Variants in PDGFRL observed in about 807,000 individuals in gnomAD.
PDGFRL encodes the protein platelet derived growth factor receptor like.
In PDGFRL, 46 loss-of-function variants were observed where a neutral mutation model predicts 37.2. That is an observed-to-expected ratio of 1.24 (90% CI 0.98 to 1.58). PDGFRL has a LOEUF of 1.58. Among genes scored for constraint, PDGFRL ranks in the 40% most tolerant of loss-of-function variants. The pLI is 0.00. For missense variants in PDGFRL, 692 were observed against 467.6 expected (o/e 1.48, Z -4.43); for synonymous variants, 251 against 184.3 (o/e 1.36, Z -2.93).
intron 2 of PDGFRL, among the ~76,000 whole-genome samples, chr8:17,613,568 G>A (rs1804465650): frequency 6.6e-6 from 1 of 152,126 alleles, no homozygotes; most frequent in African/African-American, 2.4e-5. Context: ...AGTGCTTAGG[G>A]TGACTTCTTT....
intron 4 of PDGFRL, among the ~76,000 whole-genome samples, chr8:17,629,022 A>G (rs1289874001): frequency 6.7e-6 from 1 of 148,742 alleles, no homozygotes; most frequent in Non-Finnish European, 1.5e-5. Context: ...GGCTCAAGCA[A>G]CCCTCCCTCC....
intron 1 of PDGFRL, among the ~76,000 whole-genome samples, chr8:17,584,151 TG>T (rs1213444689): frequency 3.3e-5 from 5 of 152,138 alleles, no homozygotes; most frequent in Non-Finnish European, 7.3e-5. Context: ...AATTTGTTGC[TG>T]GATTGGATGT....
intron 5 of PDGFRL, 112 bp downstream of exon 5, chr8:17,634,325 G>C: frequency 2.5e-6 from 2 of 809,590 alleles, no homozygotes; most frequent in Non-Finnish European, 2.0e-6. Context: ...AACTTCAGAA[G>C]TGCAAGAAAC....
chr8:17,632,901 A>T, intron 4 of PDGFRL, among the ~76,000 whole-genome samples: 1 of 152,108 alleles, frequency 6.6e-6, no homozygotes, highest in East Asian at 1.9e-4. Context: ...TTGAGATTTT[A>T]GTTCAAACAG....
In PDGFRL at chr8:17,621,039, T is replaced by G. The variant is rs1429626206; in HGVS notation, c.354-12T>G. On this transcript the variant is annotated splice_polypyrimidine_tract_variant and intron_variant, in intron 2 of 5. Coordinates refer to ENST00000251630, the MANE Select transcript of PDGFRL (RefSeq NM_001372073.1). ...CTGACTTGCTTTGAGTTCATGTGTC[T>G]TTTATTCCTAGCGTCAAGCAGAATG... is the stretch of plus-strand genomic sequence containing the variant. 3 of 1,587,240 alleles carry G rather than the reference T, an allele frequency of 1.9e-6. No homozygotes were observed. The Admixed American group carries it at 5.2e-5, about 27-fold the overall frequency.
At chr8:17,620,492 C>T (rs868360588) in intron 2 of PDGFRL, among the ~76,000 whole-genome samples, 2 of 152,144 alleles carry the variant, frequency 1.3e-5, no homozygotes, top group Non-Finnish European at 1.5e-5. Context: ...TAATTTCTTA[C>T]GTTAATGTGG....
chr8:17,642,606 T>TAAAC lies in PDGFRL; in HGVS notation c.940-5_940-2dup, dbSNP rs771106051. 7 of 1,590,254 alleles carry TAAAC rather than the reference T, an allele frequency of 4.4e-6. No homozygotes were observed. The highest frequency in any genetic ancestry group is 1.7e-5 in the Admixed American group (1 of 59,956). On this transcript the variant is annotated splice_region_variant and splice_polypyrimidine_tract_variant and intron_variant, in intron 5 of 5. Transcript: ENST00000251630. ...TTGCTTCAGTCTTTGTGGGTGTCGT[T>TAAAC]AAACAGGATGAAAGGCCTGTGACGA... is the stretch of plus-strand genomic sequence containing the variant.
chr8:17,587,554 CT>C, intron 1 of PDGFRL, among the ~76,000 whole-genome samples: 1 of 152,050 alleles, frequency 6.6e-6, no homozygotes, highest in East Asian at 1.9e-4. Flanking sequence ...TTCTTTCTTT[CT>C]TTTTTTGAGA....
intron 2 of PDGFRL, among the ~76,000 whole-genome samples, chr8:17,608,620 A>C (rs1049225669): frequency 3.3e-5 from 5 of 152,222 alleles, no homozygotes; most frequent in Admixed American, 3.3e-4. Context: ...AAATAGCATT[A>C]ACGTTTGCTT....
chr8:17,630,325 T>G (rs1395608335), intron 4 of PDGFRL, among the ~76,000 whole-genome samples: 1 of 152,192 alleles, frequency 6.6e-6, no homozygotes, highest in Admixed American at 6.5e-5. Context: ...GCCATTTTAG[T>G]GAGGAGTTTC....
upstream of PDGFRL, chr8:17,576,751 G>T: frequency 1.1e-6 from 1 of 945,026 alleles, no homozygotes; most frequent in Non-Finnish European, 1.3e-6. Context: ...CCGGGGCAAC[G>T]GTCCTGTGAG....
intron 2 of PDGFRL, among the ~76,000 whole-genome samples, chr8:17,596,099 C>T (rs563943251): frequency 6.6e-6 from 1 of 152,350 alleles, no homozygotes; most frequent in African/African-American, 2.4e-5. Flanking sequence ...AGCCAGGAAG[C>T]CCCAGAGTTA....
Position 17,590,228 on chromosome 8 carries a change from C to G in PDGFRL, c.353+463C>G, listed in dbSNP as rs76170756. On this transcript the variant is annotated intron_variant, in intron 2 of 5. Transcript: ENST00000251630. Reference sequence around the variant, plus strand: ...CCAGCCTGGGTGACAGAGAGCGAGACTCCATCTCAAAAAAAAAAAAAAAAA... The same window carrying G: ...CCAGCCTGGGTGACAGAGAGCGAGAGTCCATCTCAAAAAAAAAAAAAAAAA... 1.7e-4 allele frequency among the ~76,000 whole-genome samples: 3 copies of G among 18,138 alleles called. No homozygotes were observed. In the East Asian group the frequency reaches 0.033, roughly 197 times the overall value. 11.9% of individuals were successfully genotyped at this position (18,138 alleles called of 152,430 possible). A position where few individuals can be genotyped will look rare whatever the true frequency, so the allele number is the denominator to read the frequency against.
At position 17,642,676 on chromosome 8, in the gene PDGFRL, A is replaced by G. The variant is rs770801379; in HGVS notation, c.1003A>G (p.Thr335Ala). The G allele has an allele frequency of 3.1e-6, 5 of 1,605,122 alleles. No homozygotes were observed. In the East Asian group the frequency reaches 1.1e-4, roughly 36 times the overall value. ...GATCCACAGAGGACTGGGACACACC[A>G]CGAGAATCTCCCAGAGTGTCATTAC... Reference protein sequence around the residue: ...RLIHRGLGHTTRISQSVITVE... With the variant: ...RLIHRGLGHTARISQSVITVE... Residue 335 changes from threonine (T) to alanine (A), a missense_variant, in exon 6 of 6, where the codon ACG becomes GCG. By Grantham distance (58) the Thr-to-Ala change is moderately conservative. Coordinates refer to ENST00000251630, the MANE Select transcript of PDGFRL (RefSeq NM_001372073.1).
intron 5 of PDGFRL, among the ~76,000 whole-genome samples, chr8:17,638,509 G>A (rs1162424185): frequency 6.6e-6 from 1 of 151,732 alleles, no homozygotes; most frequent in Non-Finnish European, 1.5e-5. Context: ...TGAATAGAAT[G>A]TATATTCTGC....
intron 2 of PDGFRL, among the ~76,000 whole-genome samples, chr8:17,605,524 G>A (rs1005652038): frequency 2.6e-5 from 4 of 152,128 alleles, no homozygotes; most frequent in African/African-American, 9.7e-5. Flanking sequence ...CACTTCCAGG[G>A]TGTAAAGCCA....
intron 2 of PDGFRL, among the ~76,000 whole-genome samples, chr8:17,619,408 AG>A (rs1346707340): frequency 1.3e-5 from 2 of 152,226 alleles, no homozygotes; most frequent in Non-Finnish European, 2.9e-5. Context: ...AAGAAACTGA[AG>A]GGGTTTGCAA....
Position 17,628,634 on chromosome 8 carries a change from C to G in PDGFRL, c.653C>G (p.Ala218Gly), listed in dbSNP as rs755626875. The part of the protein sequence containing the change: ...HREFPAKEIP[A>G]NGTDIVYDMK... ...GAATTCCCAGCCAAGGAGATCCCAG[C>G]CAATGGAACGGACATTGTTTATGAC... Residue 218 changes from alanine (A) to glycine (G), a missense_variant, in exon 4 of 6, where the codon GCC (alanine) becomes GGC (glycine). Coordinates refer to ENST00000251630, the MANE Select transcript of PDGFRL (RefSeq NM_001372073.1). The G allele has an allele frequency of 8.7e-6, 14 of 1,614,090 alleles. No homozygotes were observed. In the South Asian group the frequency reaches 9.9e-5, roughly 11 times the overall value.
intron 2 of PDGFRL, among the ~76,000 whole-genome samples, chr8:17,607,969 G>A (rs1167398655): frequency 2.0e-5 from 3 of 152,222 alleles, no homozygotes; most frequent in Non-Finnish European, 2.9e-5. Context: ...TGGCGGCTCC[G>A]TCCCACCCAC....
Sources: allele counts gnomAD v4.1 joint callset (sites outside exome capture counted in the v4.1 genomes callset), GRCh38; gene constraint gnomAD v4.1.1; transcripts MANE v1.5; gene names NCBI Gene and HGNC (gene_info 2026-07-23, HGNC 2026-07-21).